The following SLC25A48 variants were observed in gnomAD, a reference collection of about 807,000 sequenced individuals.
The protein encoded by SLC25A48 is solute carrier family 25 member 48.
A neutral mutation model predicts 32.2 loss-of-function variants in SLC25A48; 29 were observed. The ratio of observed to expected loss-of-function variants is 0.90; its 90% confidence interval spans 0.67 to 1.23. SLC25A48 has a LOEUF of 1.23. Ranked by LOEUF, SLC25A48 falls within the 50% of genes most tolerant of loss-of-function variation. The probability of loss-of-function intolerance (pLI) is 0.00; values close to 1 mark genes in which losing one functional copy is unlikely to be tolerated. For synonymous variants in SLC25A48, 164 were observed against 172.3 expected (o/e 0.95, Z 0.38); for missense variants, 399 against 422.7 (o/e 0.94, Z 0.49).
intron 1 of SLC25A48, among the ~76,000 whole-genome samples, chr5:135,607,854 T>C (rs1229717326): frequency 6.6e-6 from 1 of 152,220 alleles, no homozygotes; most frequent in Admixed American, 6.5e-5. Flanking sequence ...GGCTTATTTA[T>C]GGGGCTGACA....
intron 3 of SLC25A48, among the ~76,000 whole-genome samples, chr5:135,685,644 T>C (rs1754006253): frequency 6.6e-6 from 1 of 152,144 alleles, no homozygotes; most frequent in South Asian, 2.1e-4. Context: ...TGTTGGTTTC[T>C]AACTCCTGAC....
chr5:135,864,956 C>T (rs1210991735), intron 4 of SLC25A48, among the ~76,000 whole-genome samples: 1 of 152,334 alleles, frequency 6.6e-6, no homozygotes, highest in East Asian at 1.9e-4. Context: ...GCAGGTCTGG[C>T]ACTTCCAGAA....
chr5:135,762,170 A>G (rs1354946431), intron 3 of SLC25A48, among the ~76,000 whole-genome samples: 1 of 152,176 alleles, frequency 6.6e-6, no homozygotes, highest in Non-Finnish European at 1.5e-5. Flanking sequence ...TCTTAATTGA[A>G]ATTTAAATGG....
chr5:135,812,196 G>A (rs1344389171), intron 3 of SLC25A48, among the ~76,000 whole-genome samples: 1 of 152,144 alleles, frequency 6.6e-6, no homozygotes, highest in Admixed American at 6.6e-5. Flanking sequence ...CATAGTAGGT[G>A]TATATATTTA....
chr5:135,590,557 C>T (rs1751497398), intron 1 of SLC25A48, among the ~76,000 whole-genome samples: 1 of 152,122 alleles, frequency 6.6e-6, no homozygotes, highest in Non-Finnish European at 1.5e-5. Flanking sequence ...AAAATGAAGG[C>T]ACCTGGTTCC....
chr5:135,662,602 T>A (rs1315182031), intron 3 of SLC25A48, among the ~76,000 whole-genome samples: 2 of 152,060 alleles, frequency 1.3e-5, no homozygotes, highest in African/African-American at 4.8e-5. Flanking sequence ...AGACCTGAGT[T>A]CAAATCCTGG....
At chr5:135,681,285 A>G (rs947009320) in intron 3 of SLC25A48, among the ~76,000 whole-genome samples, 2 of 152,316 alleles carry the variant, frequency 1.3e-5, no homozygotes, top group Admixed American at 1.3e-4. Context: ...TGTTTCATTT[A>G]TAATAGTTTC....
At chr5:135,735,097 G>A (rs970220182) in intron 3 of SLC25A48, among the ~76,000 whole-genome samples, 7 of 152,212 alleles carry the variant, frequency 4.6e-5, no homozygotes, top group African/African-American at 1.7e-4. Context: ...CCCAGGCTGA[G>A]GGCATTCCTT....
intron 3 of SLC25A48, among the ~76,000 whole-genome samples, chr5:135,657,521 G>A (rs1012660454): frequency 6.6e-6 from 1 of 152,236 alleles, no homozygotes; most frequent in Non-Finnish European, 1.5e-5. Flanking sequence ...AGAGAGTAAC[G>A]TTGCTTTTTG....
At chr5:135,858,552 T>C (rs1256715604) in intron 4 of SLC25A48, among the ~76,000 whole-genome samples, 1 of 152,178 alleles carries the variant, frequency 6.6e-6, no homozygotes, top group Non-Finnish European at 1.5e-5. Flanking sequence ...AACAACCCAA[T>C]TCCTGGGGAT....
At chr5:135,608,940 T>C (rs2126889080) in intron 1 of SLC25A48, among the ~76,000 whole-genome samples, 1 of 152,364 alleles carries the variant, frequency 6.6e-6, no homozygotes, top group South Asian at 2.1e-4. Context: ...GTGTCTTGTC[T>C]TGGCCCTTTA....
intron 3 of SLC25A48, among the ~76,000 whole-genome samples, chr5:135,748,629 G>T (rs1422604807): frequency 1.3e-5 from 2 of 152,024 alleles, no homozygotes; most frequent in African/African-American, 4.8e-5. Flanking sequence ...GAAGTGACTT[G>T]CTTAAGTTCT....
chr5:135,603,160 C>T (rs774893225), intron 1 of SLC25A48, among the ~76,000 whole-genome samples: 2 of 152,220 alleles, frequency 1.3e-5, no homozygotes, highest in African/African-American at 2.4e-5. Flanking sequence ...CATATCCTGG[C>T]TTGAGACTAA....
intron 3 of SLC25A48, among the ~76,000 whole-genome samples, chr5:135,698,979 C>A (rs1214388063): frequency 6.6e-6 from 1 of 152,048 alleles, no homozygotes; most frequent in Admixed American, 6.6e-5. Flanking sequence ...CAAATCAAAC[C>A]CATCCTAAAA....
intron 2 of SLC25A48, among the ~76,000 whole-genome samples, chr5:135,630,161 T>C (rs1050734939): frequency 8.5e-5 from 13 of 152,164 alleles, no homozygotes; most frequent in African/African-American, 3.1e-4. Context: ...AGGCAGGCCA[T>C]AGTCACCTTT....
chr5:135,698,797 A>T (rs1421481304), intron 3 of SLC25A48, among the ~76,000 whole-genome samples: 2 of 152,224 alleles, frequency 1.3e-5, no homozygotes, highest in Admixed American at 1.3e-4. Flanking sequence ...AAATACATAC[A>T]TCTGATCAAG....
intron 3 of SLC25A48, among the ~76,000 whole-genome samples, chr5:135,706,479 T>C (rs1430586162): frequency 6.6e-6 from 1 of 152,076 alleles, no homozygotes. Context: ...TGGGATAAGA[T>C]GCACTTAGTA....
chr5:135,580,585 CCT>C (rs1561743586), intron 1 of SLC25A48, among the ~76,000 whole-genome samples: 4 of 152,160 alleles, frequency 2.6e-5, no homozygotes, highest in African/African-American at 9.7e-5. Flanking sequence ...TGTGCCTATA[CCT>C]AAAGCAAAGC....
rs869088370 is a variant in SLC25A48 at position 135,630,588 on chromosome 5, CTTTTTTTTTTTTTTT to C, written c.-709+1231_-709+1245del. Among the ~76,000 whole-genome samples, 31 of 58,952 alleles carry C rather than the reference CTTTTTTTTTTTTTTT, an allele frequency of 5.3e-4. 1 individual carries two copies. Among genetic ancestry groups the C allele is most frequent in the South Asian group, 4.0e-3 (4 of 1,012 alleles). The allele number at this position is 58,952 out of a possible 152,430, so 38.7% of individuals were successfully genotyped here. ...AGGGGAAGATGGTTAGGCTGGGCAC[CTTTTTTTTTTTTTTT>C]TTTTTTTTTTTTTTTTTTGAGAGAG... On this transcript the variant is annotated intron_variant, in intron 2 of 10. Transcript: ENST00000646290.
Sources: gnomAD v4.1 joint callset for allele counts (sites outside exome capture counted in the v4.1 genomes callset) on GRCh38, gnomAD v4.1.1 for gene constraint, MANE v1.5 for transcripts, NCBI Gene and HGNC (gene_info 2026-07-23, HGNC 2026-07-21) for gene names.